Variants in FSTL4 observed in about 807,000 individuals in gnomAD.
The protein encoded by FSTL4 is follistatin like 4.
A neutral mutation model predicts 78.2 loss-of-function variants in FSTL4; 28 were observed. That is an observed-to-expected ratio of 0.36 (90% confidence interval 0.27 to 0.49). FSTL4 has a LOEUF of 0.49. Among genes scored for constraint, FSTL4 ranks in the 20% least tolerant of loss-of-function variants. The probability of loss-of-function intolerance (pLI) is 0.98; values close to 1 mark genes in which losing one functional copy is unlikely to be tolerated. For missense variants in FSTL4, 922 were observed against 1,084.9 expected, an observed-to-expected ratio of 0.85 and a Z score of 2.11; for synonymous variants, 422 against 440.5, an observed-to-expected ratio of 0.96 and a Z score of 0.53.
At chr5:133,717,587 C>A in the FSTL4 span, among the ~76,000 whole-genome samples, 1 of 152,202 alleles carries the variant, frequency 6.6e-6, no homozygotes, top group Non-Finnish European at 1.5e-5. Flanking sequence ...GTCAATCCCA[C>A]CAACCCCAGG....
chr5:133,376,888 CAA>C (rs56667792), intron 4 of FSTL4, among the ~76,000 whole-genome samples: 73,505 of 127,324 alleles, frequency 0.58, 20,459 homozygotes, highest in Middle Eastern at 0.72. Flanking sequence ...GAGTCTGTCT[CAA>C]AAAAAAAAAA....
chr5:133,395,655 T>C lies in FSTL4; in HGVS notation c.409+5083A>G, dbSNP rs1386257409. Among the ~76,000 whole-genome samples the C allele has an allele frequency of 5.3e-5, 8 of 152,024 alleles. 1 individual carries two copies. The East Asian group carries it at 1.5e-3, about 29-fold the overall frequency. Reference sequence around the variant, plus strand: ...TGTCTGCCTTTATCCCCAACTATGCTCTCCCCTACACCCAGGATCCCATAA... The same window carrying C: ...TGTCTGCCTTTATCCCCAACTATGCCCTCCCCTACACCCAGGATCCCATAA... On this transcript the variant is annotated intron_variant, in intron 4 of 15. Transcript: ENST00000265342.
chr5:133,733,076 A>G, the FSTL4 span, among the ~76,000 whole-genome samples: 1 of 152,242 alleles, frequency 6.6e-6, no homozygotes, highest in Admixed American at 6.5e-5. Context: ...TGTTGAATTC[A>G]CAAATAAATG....
Position 133,220,935 on chromosome 5 carries a change from T to C in FSTL4, c.1340-69A>G, listed in dbSNP as rs150311987. 1,283 of 895,284 alleles carry C rather than the reference T, an allele frequency of 1.4e-3. 11 individuals carry two copies. In the African/African-American group the frequency reaches 0.017, roughly 12 times the overall value. The allele number at this position is 895,284 out of a possible 1,614,324, so 55.5% of individuals were successfully genotyped here. On this transcript the variant is annotated intron_variant, in intron 11 of 15. Transcript: ENST00000265342. ...CCCCTGGGCAGGGTCACACGCAGCATTGAACACACAAGAAACCGGCCACGT... is the reference window on the plus strand; with the variant it reads ...CCCCTGGGCAGGGTCACACGCAGCACTGAACACACAAGAAACCGGCCACGT...
intron 7 of FSTL4, chr5:133,244,345 A>T (rs1297654829): frequency 2.0e-5 from 3 of 152,410 alleles, no homozygotes; most frequent in Non-Finnish European, 4.4e-5. Context: ...GCTGGTGGCC[A>T]CGCCTCTGCT....
the FSTL4 span, among the ~76,000 whole-genome samples, chr5:133,648,694 A>G: frequency 6.6e-6 from 1 of 152,192 alleles, no homozygotes; most frequent in African/African-American, 2.4e-5. Flanking sequence ...CCCAGTGCTG[A>G]CTTTTAAAAA....
chr5:133,553,294 C>T (rs1333292165), intron 3 of FSTL4, among the ~76,000 whole-genome samples: 1 of 152,166 alleles, frequency 6.6e-6, no homozygotes, highest in Non-Finnish European at 1.5e-5. Flanking sequence ...TTCCCTCTGT[C>T]CTCCACATGT....
chr5:133,200,030 A>ATGCACTCATCG (rs1160173998), intron 15 of FSTL4, among the ~76,000 whole-genome samples: 2 of 152,220 alleles, frequency 1.3e-5, no homozygotes, highest in African/African-American at 4.8e-5. Context: ...CTCTTGTAAC[A>ATGCACTCATCG]TGCACTCATC....
At chr5:133,266,346 G>A (rs1581580814) in intron 6 of FSTL4, among the ~76,000 whole-genome samples, 1 of 152,394 alleles carries the variant, frequency 6.6e-6, no homozygotes, top group East Asian at 1.9e-4. Flanking sequence ...GTGCTGTCCT[G>A]AAACAACACT....
chr5:133,377,425 T>C (rs10078329), intron 4 of FSTL4, among the ~76,000 whole-genome samples: 1,940 of 150,124 alleles, frequency 0.013, 45 homozygotes, highest in African/African-American at 0.046. Context: ...ATTTTGGCCA[T>C]GGGGCGAGAC....
intron 4 of FSTL4, among the ~76,000 whole-genome samples, chr5:133,384,370 T>C (rs6887054): frequency 0.47 from 71,702 of 151,752 alleles, 17,835 homozygotes; most frequent in African/African-American, 0.57. Context: ...GCTGACACTT[T>C]CCCAGGACTG....
chr5:133,764,572 G>A, the FSTL4 span, among the ~76,000 whole-genome samples: 1 of 151,780 alleles, frequency 6.6e-6, no homozygotes, highest in Non-Finnish European at 1.5e-5. Flanking sequence ...ATGCACCTAA[G>A]CACAGGCACA....
Position 133,426,964 on chromosome 5 carries a change from C to T in FSTL4, c.161-25978G>A, listed in dbSNP as rs140197600. Among the ~76,000 whole-genome samples, 12 of 152,296 alleles carry T rather than the reference C, an allele frequency of 7.9e-5. No individual in the cohort carries two copies. The highest frequency in any genetic ancestry group is 3.9e-4 in the East Asian group (2 of 5,180). On this transcript the variant is annotated intron_variant, in intron 3 of 15. Coordinates refer to ENST00000265342, the MANE Select transcript of FSTL4 (RefSeq NM_015082.2). The surrounding 1 kb of genome is among the most constrained non-coding windows in gnomAD (Gnocchi z 5.0). ...AGTGTTCCGTCTCTCAAATGCCCAACGGCCCAGAGGAATTTTGGTTTATCA... is the reference window on the plus strand; with the variant it reads ...AGTGTTCCGTCTCTCAAATGCCCAATGGCCCAGAGGAATTTTGGTTTATCA...
intron 3 of FSTL4, among the ~76,000 whole-genome samples, chr5:133,450,602 C>G (rs1332816083): frequency 6.6e-6 from 1 of 152,262 alleles, no homozygotes; most frequent in Non-Finnish European, 1.5e-5. Context: ...CTGGCATCCT[C>G]TCACATCATA....
At chr5:133,577,799 G>T (rs1760316613) in intron 2 of FSTL4, among the ~76,000 whole-genome samples, 1 of 152,188 alleles carries the variant, frequency 6.6e-6, no homozygotes, top group Non-Finnish European at 1.5e-5. Context: ...CCAGATACTT[G>T]TGAGGCTGAG....
intron 6 of FSTL4, among the ~76,000 whole-genome samples, chr5:133,250,632 G>A (rs1004446438): frequency 1.3e-5 from 2 of 152,286 alleles, no homozygotes; most frequent in African/African-American, 2.4e-5. Context: ...CTTGTGAGCT[G>A]TGACCAGGCA....
At chr5:133,646,556 G>C in the FSTL4 span, among the ~76,000 whole-genome samples, 1 of 152,172 alleles carries the variant, frequency 6.6e-6, no homozygotes, top group Non-Finnish European at 1.5e-5. Context: ...GAAATTGAGA[G>C]AGAGCAGGGA....
chr5:133,243,415 C>G (rs1047553701), intron 7 of FSTL4, among the ~76,000 whole-genome samples: 3 of 152,244 alleles, frequency 2.0e-5, no homozygotes, highest in Admixed American at 2.0e-4. Flanking sequence ...GAGCATGTTG[C>G]TTCCTTCCTT....
the FSTL4 span, among the ~76,000 whole-genome samples, chr5:133,755,792 G>A: frequency 6.6e-6 from 1 of 152,220 alleles, no homozygotes; most frequent in East Asian, 1.9e-4. Context: ...GCGGGTATAA[G>A]CATAAAACAA....
Sources: gnomAD v4.1 joint callset for allele counts (sites outside exome capture counted in the v4.1 genomes callset) on GRCh38, gnomAD v4.1.1 for gene constraint, Gnocchi (gnomAD v3.1) non-coding constraint, MANE v1.5 for transcripts, NCBI Gene and HGNC (gene_info 2026-07-23, HGNC 2026-07-21) for gene names.